The following TIPARP variants were observed in gnomAD, a reference collection of about 807,000 sequenced individuals.
The protein encoded by TIPARP is protein mono-ADP-ribosyltransferase TIPARP.
TIPARP carries 12 observed loss-of-function variants against 56.5 expected under a neutral mutation model. That is an observed-to-expected ratio of 0.21 (90% CI 0.14 to 0.34). The LOEUF is 0.34. TIPARP is among the 10% of genes least tolerant of loss of function. The pLI is 1.00. For missense variants in TIPARP, 604 were observed against 781.6 expected (o/e 0.77, Z 2.71); for synonymous variants, 296 against 265.7 (o/e 1.11, Z -1.11).
intron 4 of TIPARP, among the ~76,000 whole-genome samples, chr3:156,700,980 A>C (rs1409752121): frequency 6.6e-6 from 1 of 152,244 alleles, no homozygotes; most frequent in Non-Finnish European, 1.5e-5. Flanking sequence ...ACTCATTCTC[A>C]GAAAATAAAG....
At chr3:156,693,383 GATA>G (rs1319238348) in intron 2 of TIPARP, among the ~76,000 whole-genome samples, 2 of 152,126 alleles carry the variant, frequency 1.3e-5, no homozygotes, top group Admixed American at 1.3e-4. Flanking sequence ...CAGTCGACCA[GATA>G]ATAAGATGAC....
At chr3:156,690,365 A>G (rs903718058) in intron 2 of TIPARP, among the ~76,000 whole-genome samples, 5 of 152,162 alleles carry the variant, frequency 3.3e-5, no homozygotes, top group African/African-American at 1.2e-4. Flanking sequence ...TGTGCGGCAT[A>G]CTTTCTGACT....
rs1438472397 is a variant in TIPARP at position 156,703,487 on chromosome 3, T to C, written c.1311T>C (p.Ile437=). ...TTGAAGCAACTTCATCATCACAAAT[T>C]ATCTGCCCAGATGGGGTCACTTCAG... ...PPLEATSSSQ[I]ICPDGVTSAN... is the part of the protein sequence containing the mutation. The change falls in exon 5 of 6, where the codon ATT becomes ATC. Residue 437 remains isoleucine (I), a synonymous_variant. Transcript: ENST00000295924. The C allele has an allele frequency of 1.2e-6, 2 of 1,614,224 alleles. No individual in the cohort carries two copies. The highest frequency in any genetic ancestry group is 4.5e-5 in the East Asian group (2 of 44,880).
intron 4 of TIPARP, among the ~76,000 whole-genome samples, chr3:156,702,064 TG>T (rs1722859857): frequency 7.7e-6 from 1 of 129,848 alleles, no homozygotes; most frequent in East Asian, 2.2e-4. Flanking sequence ...GTGGTGGTGG[TG>T]GTGGTGGTTG....
At chr3:156,687,216 G>A (rs968605204) in intron 2 of TIPARP, among the ~76,000 whole-genome samples, 2 of 152,152 alleles carry the variant, frequency 1.3e-5, no homozygotes, top group African/African-American at 4.8e-5. Context: ...AGTGCCTTCT[G>A]TGATCTTAGG....
At chr3:156,702,777 A>G (rs1295793236) in intron 4 of TIPARP, among the ~76,000 whole-genome samples, 1 of 152,230 alleles carries the variant, frequency 6.6e-6, no homozygotes, top group Non-Finnish European at 1.5e-5. Context: ...GCTCACGGAT[A>G]TGCATTCTGG....
intron 2 of TIPARP, among the ~76,000 whole-genome samples, chr3:156,691,728 A>G (rs779636402): frequency 1.4e-4 from 21 of 152,190 alleles, no homozygotes; most frequent in Non-Finnish European, 2.5e-4. Context: ...GGTAAAATTA[A>G]TCTTACAAAA....
chr3:156,703,921 G>A (rs950827117), intron 5 of TIPARP, among the ~76,000 whole-genome samples: 4 of 150,828 alleles, frequency 2.7e-5, no homozygotes, highest in Non-Finnish European at 5.9e-5. Flanking sequence ...GCTGAGGCAG[G>A]AGAATGGTGT....
intron 2 of TIPARP, among the ~76,000 whole-genome samples, chr3:156,688,482 G>GC (rs150341932): frequency 0.48 from 66,768 of 139,854 alleles, 16,036 homozygotes; most frequent in East Asian, 0.64. Context: ...TTTTATTGCC[G>GC]CCCCCCCCCG....
At position 156,695,873 on chromosome 3, in the gene TIPARP, TCGA is replaced by T; in HGVS notation, c.1096_1098del (p.Arg366del). 2 of 1,544,680 alleles carry T rather than the reference TCGA, an allele frequency of 1.3e-6. No homozygotes were observed. Among genetic ancestry groups the T allele is most frequent in the Admixed American group, 2.0e-5 (1 of 50,242 alleles). ...TGTTTTCTCCTCCATAGTCTGTCAT[TCGA>T]TTGATTGAAGAAGCCAACTCTCGGG... On this transcript the variant is annotated inframe_deletion, in exon 4 of 6. Coordinates refer to ENST00000295924, the MANE Select transcript of TIPARP (RefSeq NM_015508.5).
intron 3 of TIPARP, among the ~76,000 whole-genome samples, chr3:156,695,558 C>G (rs1005669923): frequency 5.9e-5 from 9 of 151,910 alleles, no homozygotes; most frequent in Non-Finnish European, 1.3e-4. Flanking sequence ...TTTGAAAACT[C>G]CCTTAAGAAA....
At chr3:156,682,158 T>C (rs956813256) in intron 2 of TIPARP, among the ~76,000 whole-genome samples, 3 of 152,224 alleles carry the variant, frequency 2.0e-5, no homozygotes, top group African/African-American at 7.2e-5. Context: ...TTCTATTTAT[T>C]TCCACCTGTC....
At chr3:156,703,290 A>AT (rs1000975679) in intron 4 of TIPARP, 134 bp from the exon 5 acceptor site, 80 of 954,110 alleles carry the variant, frequency 8.4e-5, no homozygotes, top group Non-Finnish European at 1.1e-4. Context: ...AATAGATAGC[A>AT]TTTTTTACTT....
intron 2 of TIPARP, among the ~76,000 whole-genome samples, chr3:156,690,735 G>A (rs1722552611): frequency 6.6e-6 from 1 of 152,062 alleles, no homozygotes; most frequent in Admixed American, 6.6e-5. Flanking sequence ...GATACAAATA[G>A]CAAGATATAA....
At chr3:156,682,266 G>A (rs942226816) in intron 2 of TIPARP, among the ~76,000 whole-genome samples, 2 of 152,204 alleles carry the variant, frequency 1.3e-5, no homozygotes, top group Non-Finnish European at 2.9e-5. Context: ...AAAGAGAGTG[G>A]AGGTGAAGAG....
intron 2 of TIPARP, among the ~76,000 whole-genome samples, chr3:156,682,170 A>C (rs1396360469): frequency 6.6e-6 from 1 of 152,234 alleles, no homozygotes; most frequent in Non-Finnish European, 1.5e-5. Context: ...CCACCTGTCA[A>C]GAAGGGACAC....
chr3:156,678,564 G>T lies in TIPARP; in HGVS notation c.867G>T (p.Leu289Phe). ...QSVFNDSQEH[L>F]ERFYCNPEND... ...TATTCAATGATTCTCAGGAGCACTT[G>T]GAAAGATTTTACTGTAACCCAGAAA... The change falls in exon 2 of 6, where the codon TTG (leucine) becomes TTT (phenylalanine). Residue 289 changes from leucine (L) to phenylalanine (F), a missense_variant. By Grantham distance (22) the Leu-to-Phe change is conservative (BLOSUM62 0). Around this residue, in one of 4 missense-constraint regions of TIPARP, gnomAD observed 252 missense variants for 303.9 expected, o/e 0.83. Transcript: ENST00000295924. 6.2e-7 allele frequency: 1 copy of T among 1,613,968 alleles called. No homozygotes were observed. The highest frequency in any genetic ancestry group is 2.2e-5 in the East Asian group (1 of 44,892).
chr3:156,689,858 A>C (rs973686909), intron 2 of TIPARP, among the ~76,000 whole-genome samples: 1 of 151,662 alleles, frequency 6.6e-6, no homozygotes, highest in Non-Finnish European at 1.5e-5. Flanking sequence ...CATTTTATCC[A>C]CTCTGGAACA....
intron 1 of TIPARP, 111 bp from the exon 2 acceptor site, chr3:156,677,544 AAG>A (rs755354876): frequency 6.6e-5 from 46 of 696,402 alleles, no homozygotes; most frequent in Non-Finnish European, 1.0e-4. Flanking sequence ...AATATAGTAT[AAG>A]AGGAATGGTT....
Sources: gnomAD v4.1 joint callset for allele counts (sites outside exome capture counted in the v4.1 genomes callset) on GRCh38, gnomAD v4.1.1 for gene constraint, gnomAD v4.1.1 regional missense constraint, MANE v1.5 for transcripts, NCBI Gene and HGNC (gene_info 2026-07-23, HGNC 2026-07-21) for gene names.